Variants in LRP5 observed in about 807,000 individuals in gnomAD.
The protein encoded by LRP5 is low-density lipoprotein receptor-related protein 5.
LRP5 carries 62 observed loss-of-function variants against 154.1 expected under a neutral mutation model. The observed-to-expected ratio is 0.40, with a 90% CI of 0.33 to 0.50. LRP5 has a LOEUF of 0.50. Ranked by LOEUF, LRP5 falls within the 20% of genes least tolerant of loss-of-function variation. The pLI, the probability that LRP5 is intolerant of heterozygous loss-of-function variation, is 0.55. For synonymous variants in LRP5, 966 were observed against 1,011.5 expected (o/e 0.96, Z 0.85); for missense variants, 1,915 against 2,336.7 (o/e 0.82, Z 3.72).
chr11:68,419,703 TG>T (rs2098664493), intron 13 of LRP5, among the ~76,000 whole-genome samples: 1 of 151,832 alleles, frequency 6.6e-6, no homozygotes, highest in Admixed American at 6.6e-5. Flanking sequence ...TCACTATGCC[TG>T]GCTAATTTTT....
At chr11:68,406,947 A>G in intron 9 of LRP5, 134 bp downstream of exon 9, 1 of 869,048 alleles carries the variant, frequency 1.2e-6, no homozygotes, top group South Asian at 1.6e-5. Context: ...CTAATCAAAT[A>G]TGAGCAAGCC....
intron 3 of LRP5, among the ~76,000 whole-genome samples, chr11:68,360,975 C>T (rs558731245): frequency 6.9e-4 from 66 of 95,522 alleles, no homozygotes; most frequent in Non-Finnish European, 9.0e-4. Flanking sequence ...CCAGCCTGGG[C>T]GACAGAGCAA....
intron 1 of LRP5, among the ~76,000 whole-genome samples, chr11:68,317,810 TTCTC>T (rs921041971): frequency 1.4e-4 from 22 of 152,064 alleles, no homozygotes; most frequent in African/African-American, 5.1e-4. Flanking sequence ...CTGTGCCTCT[TTCTC>T]TCAGTGGCAA....
intron 1 of LRP5, among the ~76,000 whole-genome samples, chr11:68,317,606 C>T (rs1458139296): frequency 2.6e-5 from 4 of 152,192 alleles, no homozygotes; most frequent in African/African-American, 7.2e-5. Context: ...CAGAGGCATG[C>T]GCATACGCGC....
intron 1 of LRP5, among the ~76,000 whole-genome samples, chr11:68,336,115 T>A (rs1250380130): frequency 1.3e-5 from 2 of 152,194 alleles, no homozygotes; most frequent in Non-Finnish European, 2.9e-5. Context: ...GGTTTCTGAA[T>A]ACCATTCTCC....
upstream of LRP5, chr11:68,312,574 C>G (rs973372278): frequency 1.0e-5 from 2 of 194,052 alleles, no homozygotes; most frequent in African/African-American, 4.8e-5. Flanking sequence ...TCCCGCGCGC[C>G]CAGCTCCCTC....
Position 68,416,469 on chromosome 11 carries a change from T to A in LRP5, c.2969T>A (p.Phe990Tyr), listed in dbSNP as rs1276363857. 6.2e-7 allele frequency: 1 copy of A among 1,614,090 alleles called. No homozygotes were observed. Among genetic ancestry groups the A allele is most frequent in the South Asian group, 1.1e-5 (1 of 91,082 alleles). ...KAIDYDPLDK[F>Y]IYWVDGRQNI... ...ATCGACTATGACCCACTGGACAAGT[T>A]CATCTACTGGGTGGATGGGCGCCAG... The change falls in exon 13 of 23, where the codon TTC becomes TAC. Residue 990 changes from phenylalanine (F) to tyrosine (Y), a missense_variant. Coordinates refer to ENST00000294304, the MANE Select transcript of LRP5 (RefSeq NM_002335.4).
intron 11 of LRP5, among the ~76,000 whole-genome samples, chr11:68,412,679 G>A (rs1288331450): frequency 6.6e-6 from 1 of 151,898 alleles, no homozygotes; most frequent in African/African-American, 2.4e-5. Context: ...GAAGCTCTGA[G>A]GCTCCAAGTC....
At chr11:68,415,669 T>C (rs780893588) in intron 12 of LRP5, among the ~76,000 whole-genome samples, 517 of 44,702 alleles carry the variant, frequency 0.012, 17 homozygotes, top group Middle Eastern at 0.077. Flanking sequence ...CGCTTGAACT[T>C]GGGAGGTGGA....
At chr11:68,312,037 G>A (rs1314914374), upstream of LRP5, among the ~76,000 whole-genome samples, 6 of 152,378 alleles carry the variant, frequency 3.9e-5, no homozygotes, top group Middle Eastern at 0.01. Flanking sequence ...CAGCCTAGAG[G>A]CACTTTTAGA....
Position 68,312,751 on chromosome 11 carries a change from CT to C in LRP5, c.38del (p.Leu13ArgfsTer70). On this transcript the variant is annotated frameshift_variant, in exon 1 of 23. Transcript: ENST00000294304. LOFTEE classifies it high-confidence loss of function. ...GCCGCCCGGGCCGCCGTGGCCGCTG[CT>C]GCTGCTGCTGCTGCTGCTGCTGGCG... ...AAPPGPPWPLLLLLLLLLALC... is the reference protein window; with the variant it reads ...AAPPGPPWPLXLLLLLLLALC... 5 of 1,030,708 alleles carry C rather than the reference CT, an allele frequency of 4.9e-6. No homozygotes were observed. The South Asian group carries it at 8.4e-5, about 17-fold the overall frequency. 63.8% of individuals were successfully genotyped at this position (1,030,708 alleles called of 1,614,324 possible).
In LRP5 at chr11:68,413,205, A is replaced by G; in HGVS notation, c.2504-484A>G. On this transcript the variant is annotated intron_variant, in intron 11 of 22. Transcript: ENST00000294304. This position sits in a 1 kb window ranked among gnomAD's most constrained non-coding sequence, Gnocchi z 5.1. The stretch of plus-strand genomic sequence containing the variant: ...TAAGCTCATTAATCACCCCGGAGTG[A>G]GGACAGACTCAGATGAAAACCAGCA... 3.9e-6 allele frequency: 1 copy of G among 257,666 alleles called. No individual in the cohort carries two copies. Among genetic ancestry groups the G allele is most frequent in the Non-Finnish European group, 7.6e-6 (1 of 131,826 alleles). The allele number at this position is 257,666 out of a possible 1,614,324, so 16.0% of individuals were successfully genotyped here. A position where few individuals can be genotyped will look rare whatever the true frequency, so the allele number is the denominator to read the frequency against.
intron 2 of LRP5, among the ~76,000 whole-genome samples, chr11:68,355,446 G>A (rs527867893): frequency 1.3e-5 from 2 of 152,208 alleles, no homozygotes; most frequent in African/African-American, 4.8e-5. Flanking sequence ...CTGCTGTGAA[G>A]GGTGGACAAA....
chr11:68,434,623 G>A (rs1013011607), intron 18 of LRP5, among the ~76,000 whole-genome samples: 5 of 152,020 alleles, frequency 3.3e-5, no homozygotes, highest in Non-Finnish European at 4.4e-5. Flanking sequence ...CAGGTGATCC[G>A]CCCGCCTCAG....
chr11:68,410,611 G>C (rs1044314816), intron 10 of LRP5, among the ~76,000 whole-genome samples: 2 of 152,134 alleles, frequency 1.3e-5, no homozygotes, highest in Non-Finnish European at 2.9e-5. Context: ...AGGCTCCTCC[G>C]AAATGGCCTC....
intron 1 of LRP5, among the ~76,000 whole-genome samples, chr11:68,313,998 T>G (rs976305828): frequency 1.3e-5 from 2 of 152,046 alleles, no homozygotes; most frequent in African/African-American, 4.8e-5. Context: ...AGCCTAGAGA[T>G]TCTATGGACA....
rs900884767 is a variant in LRP5 at position 68,367,786 on chromosome 11, G to A, written c.1015+2084G>A. On this transcript the variant is annotated intron_variant, in intron 5 of 22. Coordinates refer to ENST00000294304, the MANE Select transcript of LRP5 (RefSeq NM_002335.4). ...AGGTGTAAAACAGGCAGCTCGGGCCGGGCGCAGTGGCTCACGCCTGTAATC... is the reference window on the plus strand; with the variant it reads ...AGGTGTAAAACAGGCAGCTCGGGCCAGGCGCAGTGGCTCACGCCTGTAATC... 5.9e-5 allele frequency among the ~76,000 whole-genome samples: 9 copies of A among 152,166 alleles called. No individual in the cohort carries two copies. In the South Asian group the frequency reaches 1.0e-3, roughly 18 times the overall value.
intron 7 of LRP5, among the ~76,000 whole-genome samples, chr11:68,396,940 C>T (rs527890042): frequency 6.6e-6 from 1 of 152,202 alleles, no homozygotes; most frequent in Non-Finnish European, 1.5e-5. Flanking sequence ...ATTGCATCCC[C>T]ACTTCCCTTC....
At chr11:68,325,966 G>A (rs1218345612) in intron 1 of LRP5, among the ~76,000 whole-genome samples, 1 of 152,212 alleles carries the variant, frequency 6.6e-6, no homozygotes, top group Non-Finnish European at 1.5e-5. Context: ...CGACCCCCCG[G>A]GGACTCTGGA....
Sources: allele counts gnomAD v4.1 joint callset (sites outside exome capture counted in the v4.1 genomes callset), GRCh38; gene constraint gnomAD v4.1.1; non-coding constraint Gnocchi (gnomAD v3.1); transcripts MANE v1.5; gene names NCBI Gene and HGNC (gene_info 2026-07-23, HGNC 2026-07-21).